Variants in EPB41L3 observed in about 807,000 individuals in gnomAD.
EPB41L3 encodes the protein erythrocyte membrane protein band 4.1 like 3, also known as band 4.1-like protein 3.
Under a neutral mutation model 127.1 loss-of-function variants are expected in EPB41L3, and 57 were observed. The ratio of observed to expected loss-of-function variants is 0.45; its 90% CI spans 0.36 to 0.56. EPB41L3 has a LOEUF of 0.56. EPB41L3 is among the 20% of genes least tolerant of loss of function. EPB41L3 has a pLI of 0.00. For missense variants in EPB41L3, 1,273 were observed against 1,372.2 expected (o/e 0.93, Z 1.14); for synonymous variants, 572 against 549.5 (o/e 1.04, Z -0.57).
chr18:5,520,369 A>C (rs992988249), intron 1 of EPB41L3, among the ~76,000 whole-genome samples: 7 of 152,156 alleles, frequency 4.6e-5, no homozygotes, highest in African/African-American at 1.7e-4. Flanking sequence ...TATTTTCCAT[A>C]TGAGGATCTA....
intron 3 of EPB41L3, among the ~76,000 whole-genome samples, chr18:5,591,308 C>T (rs117445747): frequency 0.011 from 1,684 of 151,928 alleles, 16 homozygotes; most frequent in Middle Eastern, 0.02. Flanking sequence ...ATTTATTTCT[C>T]ACAGTTTTGG....
chr18:5,605,689 G>A (rs1016330283), intron 3 of EPB41L3, among the ~76,000 whole-genome samples: 11 of 152,254 alleles, frequency 7.2e-5, no homozygotes, highest in African/African-American at 2.4e-4. Flanking sequence ...CTTCCAAAGT[G>A]CTAGGATTAC....
intron 3 of EPB41L3, among the ~76,000 whole-genome samples, chr18:5,573,047 G>T (rs1218501717): frequency 6.6e-6 from 1 of 152,198 alleles, no homozygotes; most frequent in East Asian, 1.9e-4. Context: ...CTCTTTGGCA[G>T]CAAGGAAGAA....
intron 1 of EPB41L3, among the ~76,000 whole-genome samples, chr18:5,540,771 G>A (rs766734071): frequency 5.3e-5 from 8 of 152,046 alleles, no homozygotes; most frequent in Non-Finnish European, 1.2e-4. Context: ...AATTAAAGAC[G>A]GCCAGGGTAG....
At chr18:5,503,394 G>T (rs960309505) in intron 1 of EPB41L3, among the ~76,000 whole-genome samples, 34 of 152,174 alleles carry the variant, frequency 2.2e-4, no homozygotes, top group African/African-American at 8.0e-4. Context: ...AAAAAAACAT[G>T]TTAAGTGCAG....
chr18:5,480,761 C>T (rs1361424044), intron 2 of EPB41L3: 1 of 152,200 alleles, frequency 6.6e-6, no homozygotes, highest in African/African-American at 2.4e-5. Context: ...AGCCAGTCAT[C>T]TCTCCCTCTT....
intron 1 of EPB41L3, among the ~76,000 whole-genome samples, chr18:5,497,836 G>A (rs564288563): frequency 1.3e-5 from 2 of 152,236 alleles, no homozygotes; most frequent in Non-Finnish European, 2.9e-5. Context: ...GGACTCTTGA[G>A]TAGAGAATGT....
chr18:5,534,094 C>CG (rs2093497263), intron 1 of EPB41L3, among the ~76,000 whole-genome samples: 2 of 152,164 alleles, frequency 1.3e-5, no homozygotes, highest in South Asian at 4.1e-4. Context: ...ACCTGGGAGG[C>CG]GGAGCTGGCA....
chr18:5,618,767 T>C (rs977718192), intron 1 of EPB41L3, among the ~76,000 whole-genome samples: 13 of 152,220 alleles, frequency 8.5e-5, no homozygotes, highest in Non-Finnish European at 1.6e-4. Context: ...ATCTTGTCTC[T>C]ACAACAGCAA....
At chr18:5,398,799 G>A (rs1390206418) in intron 16 of EPB41L3, 2 of 399,432 alleles carry the variant, frequency 5.0e-6, no homozygotes, top group Admixed American at 4.4e-5. Context: ...CACTTGCTCT[G>A]TTTTGCTGAA....
At chr18:5,600,132 A>G (rs190796321) in intron 3 of EPB41L3, among the ~76,000 whole-genome samples, 137 of 152,294 alleles carry the variant, frequency 9.0e-4, no homozygotes, top group African/African-American at 3.1e-3. Flanking sequence ...AAATAAAATC[A>G]TTGATCTAAA....
intron 3 of EPB41L3, among the ~76,000 whole-genome samples, chr18:5,593,815 G>GA (rs2094510165): frequency 6.6e-6 from 1 of 152,134 alleles, no homozygotes; most frequent in South Asian, 2.1e-4. Context: ...TCTTTGCTGA[G>GA]AAAAACAATT....
At chr18:5,538,994 GATTT>G (rs1351869546) in intron 1 of EPB41L3, among the ~76,000 whole-genome samples, 1 of 128,656 alleles carries the variant, frequency 7.8e-6, no homozygotes, top group Non-Finnish European at 1.6e-5. Context: ...CTTTCTCCAA[GATTT>G]TTTTTTTTTT....
intron 3 of EPB41L3, among the ~76,000 whole-genome samples, chr18:5,591,931 T>C (rs1341890188): frequency 6.6e-6 from 1 of 152,164 alleles, no homozygotes; most frequent in Non-Finnish European, 1.5e-5. Context: ...GGGTCAACTG[T>C]TGTCTGAGGG....
intron 1 of EPB41L3, among the ~76,000 whole-genome samples, chr18:5,616,984 G>A (rs1013900386): frequency 1.3e-5 from 2 of 152,124 alleles, no homozygotes; most frequent in African/African-American, 2.4e-5. Flanking sequence ...AATATATAAT[G>A]AAATGCAAAA....
Position 5,484,086 on chromosome 18 carries a change from CAAAAAAAAAAAAAAAAAAAAAAA to C in EPB41L3, c.183+4892_183+4914del, listed in dbSNP as rs57231548. ...GCTATAAAACAAGTCCAAACAAACT[CAAAAAAAAAAAAAAAAAAAAAAA>C]AAAAAAAAAAAACAGAAAAAAAAAA... On this transcript the variant is annotated intron_variant, in intron 2 of 22. Transcript: ENST00000341928. Among the ~76,000 whole-genome samples the C allele has an allele frequency of 5.5e-4, 10 of 18,278 alleles. 1 individual carries two copies. The East Asian group carries it at 5.6e-3, about 10-fold the overall frequency. The allele number at this position is 18,278 out of a possible 152,430, so 12.0% of individuals were successfully genotyped here. A position where few individuals can be genotyped will look rare whatever the true frequency, so the allele number is the denominator to read the frequency against.
intron 3 of EPB41L3, among the ~76,000 whole-genome samples, chr18:5,561,372 G>T (rs2094134078): frequency 6.6e-6 from 1 of 152,078 alleles, no homozygotes; most frequent in African/African-American, 2.4e-5. Flanking sequence ...GGGGACAGGG[G>T]GATATAGAAA....
intron 1 of EPB41L3, among the ~76,000 whole-genome samples, chr18:5,514,827 GA>G (rs1375987809): frequency 1.3e-5 from 2 of 152,172 alleles, no homozygotes; most frequent in Admixed American, 6.5e-5. Context: ...CATTAGTGCT[GA>G]CAGGGTACAG....
intron 4 of EPB41L3, 126 bp downstream of exon 4, chr18:5,445,014 A>T: frequency 1.5e-6 from 1 of 659,816 alleles, no homozygotes; most frequent in Non-Finnish European, 2.7e-6. Context: ...TTACAGACTC[A>T]AAGTAGAAAG....
Sources: gnomAD v4.1 joint callset for allele counts (sites outside exome capture counted in the v4.1 genomes callset) on GRCh38, gnomAD v4.1.1 for gene constraint, MANE v1.5 for transcripts, NCBI Gene and HGNC (gene_info 2026-07-23, HGNC 2026-07-21) for gene names.